The following GRAMD4 variants were observed in gnomAD, a reference collection of about 807,000 sequenced individuals.
The protein encoded by GRAMD4 is GRAM domain containing 4.
GRAMD4 carries 25 observed loss-of-function variants against 83.9 expected under a neutral mutation model. The observed-to-expected ratio is 0.30, with a 90% CI of 0.22 to 0.42. The LOEUF (loss-of-function observed/expected upper bound fraction) is 0.42. GRAMD4 is among the 10% of genes least tolerant of loss of function. GRAMD4 has a pLI of 1.00. For synonymous variants in GRAMD4, 336 were observed against 320.9 expected, an observed-to-expected ratio of 1.05 and a Z score of -0.50; for missense variants, 593 against 788.7, an observed-to-expected ratio of 0.75 and a Z score of 2.97.
chr22:46,646,868 G>A (rs111361674), intron 3 of GRAMD4, among the ~76,000 whole-genome samples: 9,676 of 152,252 alleles, frequency 0.064, 591 homozygotes, highest in African/African-American at 0.16. Context: ...CAATCATGGC[G>A]GAAGGCAAGG....
chr22:46,582,034 A>G (rs2081103694), intron 1 of GRAMD4, among the ~76,000 whole-genome samples: 1 of 150,486 alleles, frequency 6.6e-6, no homozygotes. Flanking sequence ...TAGAGGAAGC[A>G]GGTCTACTGA....
At chr22:46,634,599 C>A (rs572344433) in intron 2 of GRAMD4, among the ~76,000 whole-genome samples, 2 of 152,302 alleles carry the variant, frequency 1.3e-5, no homozygotes, top group South Asian at 4.1e-4. Flanking sequence ...TGGGTCGGAG[C>A]AAGCAGGTAG....
chr22:46,658,063 C>A, intron 3 of GRAMD4, 124 bp from the exon 4 acceptor site: 1 of 1,192,802 alleles, frequency 8.4e-7, no homozygotes, highest in Non-Finnish European at 1.2e-6. Flanking sequence ...GTCAGGTGCT[C>A]AGGTCCGCTT....
At chr22:46,577,865 A>G (rs544147707) in intron 1 of GRAMD4, among the ~76,000 whole-genome samples, 2 of 152,196 alleles carry the variant, frequency 1.3e-5, no homozygotes, top group African/African-American at 4.8e-5. Flanking sequence ...CCTTGGCTGT[A>G]GCCCAGGCCC....
rs1365374557 is a variant in GRAMD4 at position 46,587,640 on chromosome 22, C to T, written c.-50+10350C>T. 2.6e-5 allele frequency among the ~76,000 whole-genome samples: 4 copies of T among 151,974 alleles called. No individual in the cohort carries two copies. The East Asian group carries it at 5.9e-4, about 22-fold the overall frequency. Reference sequence around the variant, plus strand: ...GGATGGGGGTCAGTGGGCAAGGCTCCGTCCTGTCCTGTCCTGTCCTGTCCT... The same window carrying T: ...GGATGGGGGTCAGTGGGCAAGGCTCTGTCCTGTCCTGTCCTGTCCTGTCCT... On this transcript the variant is annotated intron_variant, in intron 1 of 1. Transcript: ENST00000431155.
intron 1 of GRAMD4, among the ~76,000 whole-genome samples, chr22:46,601,659 G>A (rs1353429526): frequency 6.6e-6 from 1 of 152,090 alleles, no homozygotes; most frequent in Non-Finnish European, 1.5e-5. Flanking sequence ...AGCCAGACAT[G>A]TTGGCATGTG....
chr22:46,626,353 C>T (rs1288319728), intron 1 of GRAMD4, among the ~76,000 whole-genome samples: 1 of 152,228 alleles, frequency 6.6e-6, no homozygotes, highest in African/African-American at 2.4e-5. Flanking sequence ...GAGCAGCATT[C>T]TTCCCTTGCG....
Position 46,626,742 on chromosome 22 carries a change from C to G in GRAMD4, c.-49-9C>G. On this transcript the variant is annotated splice_polypyrimidine_tract_variant and intron_variant, in intron 1 of 18. Coordinates refer to ENST00000406902, the MANE Select transcript of GRAMD4 (RefSeq NM_015124.5). ...CGAGCGGGAGAGTGACCACGCCCCT[C>G]TCTTGCAGGGAACCCGAGCGTCATG... 1.3e-6 allele frequency: 2 copies of G among 1,583,846 alleles called. No homozygotes were observed. Among genetic ancestry groups the G allele is most frequent in the Non-Finnish European group, 8.6e-7 (1 of 1,158,214 alleles).
chr22:46,655,873 G>A lies in GRAMD4; in HGVS notation c.284-2314G>A, dbSNP rs546751567. Among the ~76,000 whole-genome samples the A allele has an allele frequency of 3.6e-5, 5 of 140,200 alleles. No individual in the cohort carries two copies. In the East Asian group the frequency reaches 8.4e-4, roughly 24 times the overall value. 92.0% of individuals were successfully genotyped at this position (140,200 alleles called of 152,430 possible). A position where few individuals can be genotyped will look rare whatever the true frequency, so the allele number is the denominator to read the frequency against. ...TGTCCTGAGCCCTGGGGAGGCACCG[G>A]CTTCAGCTAACGCTCTGCCTGGCCA... is the stretch of plus-strand genomic sequence containing the variant. On this transcript the variant is annotated intron_variant, in intron 3 of 18. Transcript: ENST00000406902.
At chr22:46,644,238 T>C (rs2147257060) in intron 3 of GRAMD4, among the ~76,000 whole-genome samples, 1 of 152,044 alleles carries the variant, frequency 6.6e-6, no homozygotes, top group East Asian at 1.9e-4. Flanking sequence ...CCCTGTTCCG[T>C]GTTACAACTG....
chr22:46,604,652 T>G (rs566840913), intron 1 of GRAMD4, among the ~76,000 whole-genome samples: 2 of 152,364 alleles, frequency 1.3e-5, no homozygotes, highest in African/African-American at 4.8e-5. Context: ...ACAGTGTCTA[T>G]CTATGACTTC....
rs554260058 is a variant in GRAMD4, at chr22:46,621,757, G to A, written c.-50+1192G>A. Among the ~76,000 whole-genome samples, 43 of 151,422 alleles carry A rather than the reference G, an allele frequency of 2.8e-4. No individual in the cohort carries two copies. Among genetic ancestry groups the A allele is most frequent in the Admixed American group, 9.2e-4 (14 of 15,262 alleles). On this transcript the variant is annotated intron_variant, in intron 1 of 18. Transcript: ENST00000406902. The surrounding 1 kb of genome is among the most constrained non-coding windows in gnomAD (Gnocchi z 5.8). ...AGGGCACCCCTACCCCGGTGCAGGC[G>A]CAGGCTGGAAGTGTAGCCCGGGCCC...
upstream of GRAMD4, among the ~76,000 whole-genome samples, chr22:46,576,650 C>G (rs1427515676): frequency 6.6e-6 from 1 of 152,152 alleles, no homozygotes; most frequent in Non-Finnish European, 1.5e-5. Context: ...CGTGGGGCCG[C>G]GTCCGGCGCC....
intron 1 of GRAMD4, among the ~76,000 whole-genome samples, chr22:46,613,475 G>A (rs2081437737): frequency 6.6e-6 from 1 of 152,272 alleles, no homozygotes; most frequent in African/African-American, 2.4e-5. Flanking sequence ...CCGCACAGGC[G>A]AGTGTTCCCT....
chr22:46,664,753 G>C lies in GRAMD4; in HGVS notation c.717+636G>C, dbSNP rs528197348. On this transcript the variant is annotated intron_variant, in intron 8 of 18. Transcript: ENST00000406902. ...GAAGATGCAGGCAGCCCACCTGCTT[G>C]CTAGGGCCTCCAGGCCAGAGAGGAG... 1.5e-4 allele frequency among the ~76,000 whole-genome samples: 23 copies of C among 152,352 alleles called. No individual in the cohort carries two copies. In the East Asian group the frequency reaches 3.1e-3, roughly 20 times the overall value.
At chr22:46,650,376 A>T (rs1262197502) in intron 3 of GRAMD4, among the ~76,000 whole-genome samples, 1 of 126,934 alleles carries the variant, frequency 7.9e-6, no homozygotes, top group Non-Finnish European at 1.7e-5. Flanking sequence ...GGCTGGGTGG[A>T]GGGCTGGGCG....
downstream of GRAMD4, among the ~76,000 whole-genome samples, chr22:46,680,577 TCCA>T (rs2082656929): frequency 6.6e-5 from 1 of 15,252 alleles, no homozygotes; most frequent in Non-Finnish European, 1.5e-4. Flanking sequence ...CATCCATCCA[TCCA>T]TCCATCCATC....
chr22:46,651,199 G>A (rs780627656), intron 3 of GRAMD4, among the ~76,000 whole-genome samples: 5 of 152,204 alleles, frequency 3.3e-5, no homozygotes, highest in Non-Finnish European at 7.3e-5. Flanking sequence ...GCTCCCTTGG[G>A]ACTTAGGTTC....
chr22:46,598,542 T>G (rs1000861785), intron 1 of GRAMD4, among the ~76,000 whole-genome samples: 2 of 152,062 alleles, frequency 1.3e-5, no homozygotes, highest in African/African-American at 2.4e-5. Flanking sequence ...CAGTTCTGGT[T>G]ACCGGCTTGA....
Sources: gnomAD v4.1 joint callset for allele counts (sites outside exome capture counted in the v4.1 genomes callset) on GRCh38, gnomAD v4.1.1 for gene constraint, Gnocchi (gnomAD v3.1) non-coding constraint, MANE v1.5 for transcripts, NCBI Gene and HGNC (gene_info 2026-07-23, HGNC 2026-07-21) for gene names.